TSC2: variants seen among roughly 807,000 people sequenced by gnomAD.
TSC2 encodes the protein tuberin.
A neutral mutation model predicts 202.2 loss-of-function variants in TSC2; 29 were observed. That is an observed-to-expected ratio of 0.14 (90% confidence interval 0.11 to 0.20). TSC2 has a LOEUF of 0.20. Among genes scored for constraint, TSC2 ranks in the 10% least tolerant of loss-of-function variants. The pLI is 1.00. For missense variants in TSC2, 2,429 were observed against 2,420.0 expected (o/e 1.00, Z -0.08); for synonymous variants, 1,349 against 1,044.0 (o/e 1.29, Z -5.63).
intron 15 of TSC2, chr16:2,064,907 A>T: frequency 4.2e-6 from 1 of 238,302 alleles, no homozygotes; most frequent in Non-Finnish European, 8.3e-6. Flanking sequence ...TGAGTTCAGG[A>T]GTTCAAGACC....
intron 16 of TSC2, among the ~76,000 whole-genome samples, chr16:2,066,841 T>C (rs2087450718): frequency 6.6e-6 from 1 of 151,918 alleles, no homozygotes. Flanking sequence ...TTTGTATTAT[T>C]AGTAGAAACT....
intron 21 of TSC2, among the ~76,000 whole-genome samples, 181 bp from the exon 22 acceptor site, chr16:2,074,019 G>T (rs932889313): frequency 6.6e-6 from 1 of 152,258 alleles, no homozygotes; most frequent in Non-Finnish European, 1.5e-5. Context: ...CAACTGACCG[G>T]AGCAGTCTGC....
Position 2,088,766 on chromosome 16 carries a change from G to C in TSC2, c.*156G>C. The C allele has an allele frequency of 9.3e-7, 1 of 1,080,222 alleles. No homozygotes were observed. The highest frequency in any genetic ancestry group is 1.6e-5 in the African/African-American group (1 of 62,968). 66.9% of individuals were successfully genotyped at this position (1,080,222 alleles called of 1,614,324 possible). A position where few individuals can be genotyped will look rare whatever the true frequency, so the allele number is the denominator to read the frequency against. ...TGCTTGGTGCGGGGGTTGGGGGGGTGTCGAGGCTCTAGAAGCGGCCATGCC... is the reference window on the plus strand; with the variant it reads ...TGCTTGGTGCGGGGGTTGGGGGGGTCTCGAGGCTCTAGAAGCGGCCATGCC... On this transcript the variant is annotated 3_prime_UTR_variant, in exon 42 of 42. Coordinates refer to ENST00000219476, the MANE Select transcript of TSC2 (RefSeq NM_000548.5).
intron 17 of TSC2, 55 bp downstream of exon 17, chr16:2,070,633 G>T: frequency 3.1e-6 from 5 of 1,611,272 alleles, no homozygotes; most frequent in Non-Finnish European, 4.2e-6. Context: ...AGGTATCCCC[G>T]TCTCGGCAGG....
intron 13 of TSC2, 35 bp downstream of exon 13, chr16:2,062,635 G>A (rs1371323509): frequency 7.0e-6 from 11 of 1,571,808 alleles, no homozygotes; most frequent in Non-Finnish European, 9.5e-6. Context: ...CTGGCACCTG[G>A]AGCCTGGCCC....
chr16:2,073,596 G>C (rs956904274), intron 21 of TSC2, among the ~76,000 whole-genome samples: 1 of 152,204 alleles, frequency 6.6e-6, no homozygotes, highest in Non-Finnish European at 1.5e-5. Flanking sequence ...CTGTTGTTGG[G>C]TTCCCATCCC....
At chr16:2,055,757 G>C (rs2085724977) in intron 6 of TSC2, 1 of 491,740 alleles carries the variant, frequency 2.0e-6, no homozygotes, top group South Asian at 2.0e-5. Flanking sequence ...CGGGCATGGT[G>C]GTGGGAGCCT....
chr16:2,075,649 A>G, intron 22 of TSC2, 150 bp from the exon 23 acceptor site: 1 of 744,542 alleles, frequency 1.3e-6, no homozygotes, highest in Non-Finnish European at 2.3e-6. Context: ...CCGAGAGTTG[A>G]GGCCAGGGTC....
rs772865175 is a variant in TSC2 at position 2,088,298 on chromosome 16, C to T, written c.5232C>T (p.Leu1744=). The change falls in exon 41 of 42, where the codon CTC becomes CTT. Residue 1744 remains leucine, a synonymous_variant. Transcript: ENST00000219476. ...DIYPSKWIAR[L]RHIKRLRQRI... ...ACCCCTCCAAGTGGATTGCCCGGCT[C>T]CGCCACATCAAGCGGCTCCGCCAGC... 1.1e-5 allele frequency: 18 copies of T among 1,612,636 alleles called. No individual in the cohort carries two copies. The highest frequency in any genetic ancestry group is 1.7e-5 in the Admixed American group (1 of 60,004).
In TSC2 at chr16:2,088,247, T is replaced by C. The variant is rs767191593; in HGVS notation, c.5181T>C (p.His1727=). Residue 1727 remains histidine, a synonymous_variant, in exon 41 of 42, where the codon CAT becomes CAC. Coordinates refer to ENST00000219476, the MANE Select transcript of TSC2 (RefSeq NM_000548.5). The stretch of plus-strand genomic sequence containing the variant: ...CCCAGATGGCCTCACAGGTGCATCA[T>C]AGCCGCTCCAACCCCACCGATATCT... ...LHANMASQVH[H]SRSNPTDIYP... is the part of the protein sequence containing the mutation. 4.3e-6 allele frequency: 7 copies of C among 1,613,044 alleles called. No homozygotes were observed. The highest frequency in any genetic ancestry group is 4.0e-5 in the African/African-American group (3 of 74,926).
At chr16:2,086,458 C>T (rs1567534137) in intron 37 of TSC2, 79 bp downstream of exon 37, 2 of 1,551,628 alleles carry the variant, frequency 1.3e-6, no homozygotes, top group Non-Finnish European at 1.7e-6. Flanking sequence ...ACCCCACGCC[C>T]TGGGGCATGG....
intron 21 of TSC2, among the ~76,000 whole-genome samples, chr16:2,073,861 T>C (rs755104996): frequency 3.9e-5 from 6 of 152,288 alleles, no homozygotes; most frequent in African/African-American, 7.2e-5. Context: ...TGGAAGACAC[T>C]GCCCAGGGTT....
chr16:2,086,111 A>G, intron 36 of TSC2, 82 bp from the exon 37 acceptor site: 2 of 1,547,076 alleles, frequency 1.3e-6, no homozygotes, highest in Non-Finnish European at 1.8e-6. Context: ...CTCCCGGCAG[A>G]GCCTGCTGGG....
At chr16:2,082,003 G>A in intron 31 of TSC2, 1 of 739,594 alleles carries the variant, frequency 1.4e-6, no homozygotes, top group Non-Finnish European at 2.3e-6. Context: ...GGGGCTGGCA[G>A]CTTCAGAAGC....
intron 33 of TSC2, 110 bp downstream of exon 33, chr16:2,083,926 G>A (rs1264483596): frequency 2.7e-6 from 4 of 1,466,580 alleles, no homozygotes; most frequent in East Asian, 2.4e-5. Context: ...GAACTTGGGG[G>A]AGATGTTCTT....
rs1465941679 is a variant in TSC2 at position 2,055,452 on chromosome 16, C to T, written c.532C>T (p.Leu178=). The change falls in exon 6 of 42, where the codon CTG becomes TTG. Residue 178 remains leucine (L), a synonymous_variant. Coordinates refer to ENST00000219476, the MANE Select transcript of TSC2 (RefSeq NM_000548.5). ...TGTTGGCTTGTCCTCGGAATTCCTT[C>T]TGGTGCTGGTGAACTTGGTCAAATT... The part of the protein sequence containing the change: ...MDVGLSSEFL[L]VLVNLVKFNS... The T allele has an allele frequency of 1.3e-5, 21 of 1,614,110 alleles. No individual in the cohort carries two copies. The highest frequency in any genetic ancestry group is 1.6e-5 in the Non-Finnish European group (19 of 1,180,056).
rs966956002 is a variant in TSC2, at chr16:2,055,580, A to T, written c.599+61A>T. On this transcript the variant is annotated intron_variant, in intron 6 of 41. Coordinates refer to ENST00000219476, the MANE Select transcript of TSC2 (RefSeq NM_000548.5). The stretch of plus-strand genomic sequence containing the variant: ...TCCTAAGTTCAGCTCCGCAGTGAAT[A>T]AAGTTGAAACCACCAAAAAAATAGA... 5 of 1,522,680 alleles carry T rather than the reference A, an allele frequency of 3.3e-6. No individual in the cohort carries two copies. In the Admixed American group the frequency reaches 5.0e-5, roughly 15 times the overall value. 94.3% of individuals were successfully genotyped at this position (1,522,680 alleles called of 1,614,324 possible).
chr16:2,065,603 A>T lies in TSC2; in HGVS notation c.1684A>T (p.Thr562Ser). Residue 562 changes from threonine (T) to serine (S), a missense_variant, in exon 16 of 42, where the codon ACA (threonine) becomes TCA (serine). Transcript: ENST00000219476. ...CTCGGCCTCCTTGGAGGATGTGAAG[A>T]CAGCCGTCCTGGGGCTTCTGGTCAT... ...AYSASLEDVK[T>S]AVLGLLVILQ... is the part of the protein sequence containing the mutation. 1 of 1,613,786 alleles carries T rather than the reference A, an allele frequency of 6.2e-7. No homozygotes were observed. The highest frequency in any genetic ancestry group is 8.5e-7 in the Non-Finnish European group (1 of 1,180,000).
intron 5 of TSC2, chr16:2,054,677 C>A: frequency 1.7e-6 from 1 of 599,684 alleles, no homozygotes; most frequent in Non-Finnish European, 2.9e-6. Context: ...GTCTCTGGGG[C>A]TTGGGGCCTC....
Sources: allele counts gnomAD v4.1 joint callset (sites outside exome capture counted in the v4.1 genomes callset), GRCh38; gene constraint gnomAD v4.1.1; transcripts MANE v1.5; gene names NCBI Gene and HGNC (gene_info 2026-07-23, HGNC 2026-07-21).